Variants in GABRR1 observed in about 807,000 individuals in gnomAD.
GABRR1 encodes the protein gamma-aminobutyric acid type A receptor subunit rho1.
GABRR1 carries 59 observed loss-of-function variants against 55.5 expected under a neutral mutation model. That is an observed-to-expected ratio of 1.06 (90% CI 0.86 to 1.32). GABRR1 has a LOEUF of 1.32. Ranked by LOEUF, GABRR1 falls within the 40% of genes most tolerant of loss-of-function variation. The probability of loss-of-function intolerance (pLI) is 0.00; values close to 1 mark genes in which losing one functional copy is unlikely to be tolerated. For synonymous variants in GABRR1, 213 were observed against 226.0 expected (o/e 0.94, Z 0.51); for missense variants, 602 against 619.1 (o/e 0.97, Z 0.29).
chr6:89,214,953 T>C (rs1772941187), intron 1 of GABRR1, among the ~76,000 whole-genome samples: 1 of 152,072 alleles, frequency 6.6e-6, no homozygotes, highest in Non-Finnish European at 1.5e-5. Context: ...CTTGAAACCA[T>C]TACAATCCAG....
chr6:89,184,885 C>CTTTCT (rs776768704), intron 7 of GABRR1, among the ~76,000 whole-genome samples: 6,939 of 123,698 alleles, frequency 0.056, 472 homozygotes, highest in African/African-American at 0.15. Context: ...TCTTTTCTTT[C>CTTTCT]TTTTTTTTTT....
rs770205155 is a variant in GABRR1 at position 89,182,055 on chromosome 6, A to G, written c.799T>C (p.Trp267Arg). 10 of 1,614,058 alleles carry G rather than the reference A, an allele frequency of 6.2e-6. No homozygotes were observed. The highest frequency in any genetic ancestry group is 8.5e-6 in the Non-Finnish European group (10 of 1,179,958). Residue 267 changes from tryptophan to arginine, a missense_variant and splice_region_variant, in exon 8 of 10, where the codon TGG (tryptophan) becomes CGG (arginine). This residue lies in a region of GABRR1 where 435 missense variants were observed against 424.2 expected (regional missense o/e 1.03). Transcript: ENST00000454853. ...TKLAFYSSTG[W>R]YNRLYINFTL... ...AAATTAATGTAGAGACGGTTGTACC[A>G]GCCTGGGGGACACAGGAATAAAAGA...
chr6:89,214,421 C>A (rs1354443289), intron 1 of GABRR1, among the ~76,000 whole-genome samples: 1 of 151,536 alleles, frequency 6.6e-6, no homozygotes, highest in Non-Finnish European at 1.5e-5. Context: ...AACTAAAAAG[C>A]TTCTGCACAG....
chr6:89,210,053 G>T (rs1023064050), intron 1 of GABRR1, among the ~76,000 whole-genome samples: 2 of 152,064 alleles, frequency 1.3e-5, no homozygotes, highest in African/African-American at 4.8e-5. Context: ...GAAACATGGG[G>T]TCTGTGGGAG....
In GABRR1 at chr6:89,212,610, C is replaced by T. The variant is rs537566052; in HGVS notation, c.122+4591G>A. 1.7e-4 allele frequency among the ~76,000 whole-genome samples: 26 copies of T among 152,268 alleles called. No homozygotes were observed. The South Asian group carries it at 5.4e-3, about 32-fold the overall frequency. Reference sequence around the variant, plus strand: ...CCATAGTGTAGACAAGTTATGTTTCCATTCTTCCAGGGAAGAGAGGAGGAG... The same window carrying T: ...CCATAGTGTAGACAAGTTATGTTTCTATTCTTCCAGGGAAGAGAGGAGGAG... On this transcript the variant is annotated intron_variant, in intron 1 of 9. Transcript: ENST00000454853.
At chr6:89,187,801 C>T (rs1771957007) in intron 6 of GABRR1, among the ~76,000 whole-genome samples, 1 of 152,128 alleles carries the variant, frequency 6.6e-6, no homozygotes, top group Non-Finnish European at 1.5e-5. Context: ...TATCGGAAAT[C>T]CTTGTTTTTT....
intron 1 of GABRR1, among the ~76,000 whole-genome samples, chr6:89,206,881 G>C (rs1772665975): frequency 6.6e-6 from 1 of 152,122 alleles, no homozygotes; most frequent in African/African-American, 2.4e-5. Flanking sequence ...AACTCACACA[G>C]TGTTGGGATT....
chr6:89,229,492 T>G (rs988357193), intron 1 of GABRR1, among the ~76,000 whole-genome samples: 2 of 150,026 alleles, frequency 1.3e-5, no homozygotes, highest in Non-Finnish European at 3.0e-5. Context: ...TGCTTGTCTG[T>G]AAAGTATTTT....
chr6:89,204,720 A>G (rs12524474), intron 1 of GABRR1: 334,505 of 1,163,052 alleles, frequency 0.29, 49,546 homozygotes, highest in Middle Eastern at 0.38. Context: ...CGGATGAATA[A>G]AATACAGTTA....
At chr6:89,189,109 GC>G (rs960068824) in intron 6 of GABRR1, among the ~76,000 whole-genome samples, 6 of 151,974 alleles carry the variant, frequency 3.9e-5, no homozygotes, top group African/African-American at 1.5e-4. Flanking sequence ...CATTCGCTTA[GC>G]CCTCTACTTC....
chr6:89,180,926 T>C (rs1771699554), intron 8 of GABRR1, among the ~76,000 whole-genome samples: 1 of 152,238 alleles, frequency 6.6e-6, no homozygotes, highest in Non-Finnish European at 1.5e-5. Context: ...TGTGCAGTCC[T>C]GTTGTCCTGG....
At chr6:89,217,017 A>G (rs901585028) in intron 1 of GABRR1, among the ~76,000 whole-genome samples, 184 bp downstream of exon 1, 1 of 152,240 alleles carries the variant, frequency 6.6e-6, no homozygotes, top group African/African-American at 2.4e-5. Context: ...GCATCATTTT[A>G]AAAGAAAACG....
At chr6:89,224,213 C>A (rs1480171059) in intron 1 of GABRR1, among the ~76,000 whole-genome samples, 2 of 152,030 alleles carry the variant, frequency 1.3e-5, no homozygotes, top group African/African-American at 4.8e-5. Context: ...CTCAGCCTCC[C>A]AAGTAGTAGC....
chr6:89,220,660 C>T (rs2127810852), upstream of GABRR1, among the ~76,000 whole-genome samples: 1 of 152,264 alleles, frequency 6.6e-6, no homozygotes, highest in South Asian at 2.1e-4. Context: ...GGGCCAGCAT[C>T]AGAGCATATT....
At chr6:89,184,902 T>C (rs1235328124) in intron 7 of GABRR1, among the ~76,000 whole-genome samples, 1 of 150,740 alleles carries the variant, frequency 6.6e-6, no homozygotes, top group Non-Finnish European at 1.5e-5. Context: ...TTTTTTTTTT[T>C]TGAGGCAGGG....
intron 1 of GABRR1, chr6:89,205,847 G>C (rs2127802634): frequency 6.6e-6 from 1 of 152,286 alleles, no homozygotes; most frequent in East Asian, 1.9e-4. Context: ...AGAAGTCCTT[G>C]TATGTAGTGC....
intron 2 of GABRR1, among the ~76,000 whole-genome samples, chr6:89,202,929 G>A (rs1396950799): frequency 1.3e-5 from 2 of 151,896 alleles, no homozygotes; most frequent in Non-Finnish European, 2.9e-5. Context: ...TGCCCAGGCT[G>A]GCCTCAAACC....
chr6:89,179,792 T>G (rs1256763005), intron 9 of GABRR1, among the ~76,000 whole-genome samples: 1 of 152,100 alleles, frequency 6.6e-6, no homozygotes, highest in African/African-American at 2.4e-5. Context: ...AGATAACCAT[T>G]GAGCTGCACA....
At chr6:89,219,708 G>A (rs35395971), upstream of GABRR1, among the ~76,000 whole-genome samples, 24,531 of 152,092 alleles carry the variant, frequency 0.16, 2,304 homozygotes, top group Middle Eastern at 0.21. Flanking sequence ...TGATAGTAAC[G>A]CATAGCTTTC....
Sources: gnomAD v4.1 joint callset for allele counts (sites outside exome capture counted in the v4.1 genomes callset) on GRCh38, gnomAD v4.1.1 for gene constraint, gnomAD v4.1.1 regional missense constraint, MANE v1.5 for transcripts, NCBI Gene and HGNC (gene_info 2026-07-23, HGNC 2026-07-21) for gene names.